Variants in KLHL1 observed in about 807,000 individuals in gnomAD.
KLHL1 encodes the protein kelch-like protein 1.
A neutral mutation model predicts 77.7 loss-of-function variants in KLHL1; 47 were observed. The observed-to-expected ratio is 0.60, with a 90% CI of 0.48 to 0.77. The LOEUF (loss-of-function observed/expected upper bound fraction) is 0.77, where lower values mean the gene tolerates loss of function less well. Among genes scored for constraint, KLHL1 ranks in the 30% least tolerant of loss-of-function variants. The probability of loss-of-function intolerance (pLI) is 0.00; values close to 1 mark genes in which losing one functional copy is unlikely to be tolerated. For missense variants in KLHL1, 925 were observed against 910.8 expected (o/e 1.02, Z -0.20); for synonymous variants, 360 against 325.2 (o/e 1.11, Z -1.15).
chr13:69,811,997 G>A (rs1877902141), intron 6 of KLHL1, among the ~76,000 whole-genome samples: 1 of 151,590 alleles, frequency 6.6e-6, no homozygotes, highest in Admixed American at 6.6e-5. Flanking sequence ...GTGATGTTAG[G>A]GTGTCAATCT....
At chr13:69,754,590 C>A (rs1353132835) in intron 7 of KLHL1, among the ~76,000 whole-genome samples, 1 of 152,138 alleles carries the variant, frequency 6.6e-6, no homozygotes, top group African/African-American at 2.4e-5. Flanking sequence ...GTGTTTTACA[C>A]TGTGCACTCC....
At chr13:69,878,437 A>C (rs1209111893) in intron 5 of KLHL1, among the ~76,000 whole-genome samples, 1 of 152,120 alleles carries the variant, frequency 6.6e-6, no homozygotes, top group Non-Finnish European at 1.5e-5. Context: ...CCTTACAAAC[A>C]CACACAAAAA....
chr13:69,893,090 T>A (rs1881486008), intron 4 of KLHL1, among the ~76,000 whole-genome samples: 2 of 152,026 alleles, frequency 1.3e-5, no homozygotes, highest in East Asian at 1.9e-4. Context: ...ATAATAATTG[T>A]CAAAGAAATT....
At chr13:69,971,851 C>A (rs1300442585) in intron 2 of KLHL1, among the ~76,000 whole-genome samples, 1 of 151,998 alleles carries the variant, frequency 6.6e-6, no homozygotes, top group African/African-American at 2.4e-5. Flanking sequence ...TAGGCCAATG[C>A]TAGAGTATGT....
chr13:69,731,609 C>G (rs759144563), intron 8 of KLHL1, among the ~76,000 whole-genome samples: 1 of 152,020 alleles, frequency 6.6e-6, no homozygotes, highest in Admixed American at 6.6e-5. Context: ...AGTTCAATAG[C>G]GAACACTTTA....
chr13:69,846,165 A>G (rs1879452184), intron 5 of KLHL1, among the ~76,000 whole-genome samples: 1 of 151,568 alleles, frequency 6.6e-6, no homozygotes, highest in Non-Finnish European at 1.5e-5. Flanking sequence ...GTTTATGTAT[A>G]TACAAATTTT....
chr13:70,024,427 T>C (rs1237031290), intron 1 of KLHL1, among the ~76,000 whole-genome samples: 1 of 151,800 alleles, frequency 6.6e-6, no homozygotes, highest in Non-Finnish European at 1.5e-5. Flanking sequence ...GCCATGAGTG[T>C]TTTTCACCAG....
chr13:69,872,604 A>G (rs1026316280), intron 5 of KLHL1, among the ~76,000 whole-genome samples: 1 of 151,942 alleles, frequency 6.6e-6, no homozygotes, highest in African/African-American at 2.4e-5. Context: ...CACCCCATAA[A>G]ACCCTCCCGT....
intron 1 of KLHL1, among the ~76,000 whole-genome samples, chr13:70,084,622 CTTTTTTTTTT>C (rs71116988): frequency 8.7e-4 from 13 of 14,954 alleles, no homozygotes; most frequent in South Asian, 8.6e-3. Flanking sequence ...CCACGCCAGG[CTTTTTTTTTT>C]TTTTTTTTTT....
intron 1 of KLHL1, among the ~76,000 whole-genome samples, chr13:70,030,892 T>TA (rs1016707664): frequency 2.0e-5 from 3 of 151,824 alleles, no homozygotes; most frequent in Admixed American, 6.6e-5. Context: ...ATAGACACAA[T>TA]AAAAAATGAT....
At chr13:69,779,220 A>C (rs1349960541) in intron 7 of KLHL1, among the ~76,000 whole-genome samples, 3 of 152,208 alleles carry the variant, frequency 2.0e-5, no homozygotes, top group Non-Finnish European at 4.4e-5. Context: ...GGGAATACCT[A>C]ACTTACGAAT....
intron 4 of KLHL1, among the ~76,000 whole-genome samples, chr13:69,927,232 C>G (rs1365417461): frequency 6.6e-6 from 1 of 152,002 alleles, no homozygotes; most frequent in Non-Finnish European, 1.5e-5. Flanking sequence ...AATAAAGTTA[C>G]ACCTTTACTT....
At chr13:69,792,629 T>C (rs1216435075) in intron 7 of KLHL1, among the ~76,000 whole-genome samples, 1 of 152,180 alleles carries the variant, frequency 6.6e-6, no homozygotes, top group Non-Finnish European at 1.5e-5. Context: ...AGCCAAACTA[T>C]AGAAACAAAT....
chr13:69,882,310 A>G lies in KLHL1; in HGVS notation c.1200T>C (p.Phe400=). ...GTGGTGGAAGCAGTGGCAGTCTTAT[A>G]AAGGCAAGAAGCATGCTCAGGTCAT... The part of the protein sequence containing the change: ...RCNDLSMLLA[F]IRLPLLPPQI... The change falls in exon 5 of 11, where the codon TTT becomes TTC. Residue 400 remains phenylalanine, a synonymous_variant. Coordinates refer to ENST00000377844, the MANE Select transcript of KLHL1 (RefSeq NM_020866.3). 6.2e-7 allele frequency: 1 copy of G among 1,613,714 alleles called. No homozygotes were observed. The highest frequency in any genetic ancestry group is 1.1e-5 in the South Asian group (1 of 91,064).
intron 2 of KLHL1, among the ~76,000 whole-genome samples, chr13:69,961,919 T>G (rs1475521489): frequency 6.6e-6 from 1 of 152,040 alleles, no homozygotes; most frequent in African/African-American, 2.4e-5. Context: ...TTCTTTAATA[T>G]TTTAAATTTA....
At chr13:70,078,622 T>G (rs565763386) in intron 1 of KLHL1, among the ~76,000 whole-genome samples, 1 of 152,252 alleles carries the variant, frequency 6.6e-6, no homozygotes, top group South Asian at 2.1e-4. Flanking sequence ...AATTAACATT[T>G]GAGAGTCTTA....
At chr13:70,004,642 A>T (rs1593667017) in intron 1 of KLHL1, among the ~76,000 whole-genome samples, 2 of 152,076 alleles carry the variant, frequency 1.3e-5, no homozygotes, top group Non-Finnish European at 2.9e-5. Context: ...ACTTTACATG[A>T]CATATTTTAA....
At chr13:69,773,947 A>G (rs1019806463) in intron 7 of KLHL1, among the ~76,000 whole-genome samples, 2 of 151,754 alleles carry the variant, frequency 1.3e-5, no homozygotes, top group Non-Finnish European at 2.9e-5. Context: ...TTGAGCTTAA[A>G]TTATCTGTAA....
chr13:69,914,956 A>C (rs1306447728), intron 4 of KLHL1, among the ~76,000 whole-genome samples: 1 of 152,222 alleles, frequency 6.6e-6, no homozygotes, highest in South Asian at 2.1e-4. Context: ...ACATGTAAAC[A>C]ACACTAACAT....
Sources: gnomAD v4.1 joint callset for allele counts (sites outside exome capture counted in the v4.1 genomes callset) on GRCh38, gnomAD v4.1.1 for gene constraint, MANE v1.5 for transcripts, NCBI Gene and HGNC (gene_info 2026-07-23, HGNC 2026-07-21) for gene names.